The following POLQ variants were observed in gnomAD, a reference collection of about 807,000 sequenced individuals.
POLQ encodes epididymis secretory sperm binding protein.
POLQ carries 233 observed loss-of-function variants against 259.2 expected under a neutral mutation model. The observed-to-expected ratio is 0.90, with a 90% CI of 0.81 to 1.00. The LOEUF (loss-of-function observed/expected upper bound fraction) is 1.00. Among genes scored for constraint, POLQ ranks in the 50% least tolerant of loss-of-function variants. POLQ has a pLI of 0.00. For synonymous variants in POLQ, 1,025 were observed against 1,048.8 expected (o/e 0.98, Z 0.44); for missense variants, 2,871 against 3,051.6 (o/e 0.94, Z 1.39).
intron 18 of POLQ, among the ~76,000 whole-genome samples, chr3:121,482,963 A>G (rs993389345): frequency 2.0e-5 from 3 of 152,190 alleles, no homozygotes; most frequent in Admixed American, 1.3e-4. Context: ...TCTATGCTAA[A>G]TGGCCACTAA....
chr3:121,503,685 G>A lies in POLQ; in HGVS notation c.1960-5015C>T, dbSNP rs1312266518. Reference sequence around the variant, plus strand: ...GATAACAAAATCCATGGATGCTCAAGTCTCTGATATAAAATGATAGTGTCT... The same window carrying A: ...GATAACAAAATCCATGGATGCTCAAATCTCTGATATAAAATGATAGTGTCT... On this transcript the variant is annotated intron_variant, in intron 12 of 29. Transcript: ENST00000264233. Among the ~76,000 whole-genome samples, 6 of 152,132 alleles carry A rather than the reference G, an allele frequency of 3.9e-5. No individual in the cohort carries two copies. In the East Asian group the frequency reaches 5.8e-4, roughly 15 times the overall value.
Position 121,545,783 on chromosome 3 carries a change from T to C in POLQ, c.95A>G (p.Gln32Arg). The C allele has an allele frequency of 6.2e-7, 1 of 1,610,366 alleles. No individual in the cohort carries two copies. Among genetic ancestry groups the C allele is most frequent in the Non-Finnish European group, 8.5e-7 (1 of 1,178,590 alleles). ...GSGGDSSASPQFLSGSVLSPP... is the reference protein window; with the variant it reads ...GSGGDSSASPRFLSGSVLSPP... ...GCTCAGCACGGACCCGGAGAGGAAC[T>C]GGGGGCTGGCACTGCTGTCACCGCC... Residue 32 changes from glutamine (Q) to arginine (R), a missense_variant, in exon 1 of 30, where the codon CAG becomes CGG. Transcript: ENST00000264233.
chr3:121,501,494 C>T (rs1400534557), intron 12 of POLQ, among the ~76,000 whole-genome samples: 1 of 149,234 alleles, frequency 6.7e-6, no homozygotes, highest in Non-Finnish European at 1.5e-5. Context: ...CCCGTCTCTA[C>T]TAAAAATACA....
chr3:121,456,921 G>A (rs564293310), intron 25 of POLQ, among the ~76,000 whole-genome samples: 1,663 of 152,050 alleles, frequency 0.011, 76 homozygotes, highest in Admixed American at 0.076. Flanking sequence ...AGCCTGCATC[G>A]CCAAGTCAAT....
intron 9 of POLQ, among the ~76,000 whole-genome samples, chr3:121,519,503 G>A (rs1379805148): frequency 2.0e-5 from 3 of 149,300 alleles, no homozygotes; most frequent in African/African-American, 4.9e-5. Flanking sequence ...GTGAGACCCC[G>A]TCTCTACTAA....
intron 26 of POLQ, among the ~76,000 whole-genome samples, chr3:121,443,194 G>A (rs989870131): frequency 6.6e-6 from 1 of 152,144 alleles, no homozygotes; most frequent in Non-Finnish European, 1.5e-5. Context: ...GTTCTCCACA[G>A]TAGTTGTACT....
intron 26 of POLQ, among the ~76,000 whole-genome samples, chr3:121,446,090 C>G (rs1199950178): frequency 6.6e-6 from 1 of 151,648 alleles, no homozygotes; most frequent in Non-Finnish European, 1.5e-5. Flanking sequence ...TATAAACTTC[C>G]TTCTTAGCAC....
At chr3:121,537,039 T>G (rs1215100055) in intron 5 of POLQ, 61 bp downstream of exon 5, 4 of 846,200 alleles carry the variant, frequency 4.7e-6, no homozygotes, top group Non-Finnish European at 8.2e-6. Context: ...CTTATGCATT[T>G]TTCAGACACT....
chr3:121,493,467 T>C lies in POLQ; in HGVS notation c.2522+11A>G. 6.2e-7 allele frequency: 1 copy of C among 1,603,954 alleles called. No homozygotes were observed. Among genetic ancestry groups the C allele is most frequent in the Non-Finnish European group, 8.5e-7 (1 of 1,172,484 alleles). On this transcript the variant is annotated intron_variant, in intron 15 of 29. Transcript: ENST00000264233. ...TTTCATAAGCCCATGTAGGTAAAGG[T>C]ATTTTCTTACCTTTTGAAAGGCACA...
intron 19 of POLQ, 130 bp downstream of exon 19, chr3:121,481,442 C>T (rs748174192): frequency 2.5e-6 from 2 of 807,558 alleles, no homozygotes; most frequent in Non-Finnish European, 3.8e-6. Flanking sequence ...TGGCCTTTTA[C>T]AGAAAAAAAG....
At chr3:121,532,397 G>A (rs1303361183) in intron 6 of POLQ, among the ~76,000 whole-genome samples, 1 of 151,990 alleles carries the variant, frequency 6.6e-6, no homozygotes, top group Non-Finnish European at 1.5e-5. Flanking sequence ...AAAAGAAAAC[G>A]CTACAAGATC....
At chr3:121,509,760 CA>C (rs2048237993) in intron 11 of POLQ, 57 bp from the exon 12 acceptor site, 4 of 1,509,518 alleles carry the variant, frequency 2.6e-6, no homozygotes, top group Non-Finnish European at 3.6e-6. Flanking sequence ...TAAAATAAAA[CA>C]AAATACTATC....
intron 6 of POLQ, among the ~76,000 whole-genome samples, 184 bp from the exon 7 acceptor site, chr3:121,529,976 A>G (rs1193901785): frequency 6.6e-6 from 1 of 152,234 alleles, no homozygotes; most frequent in Non-Finnish European, 1.5e-5. Flanking sequence ...TAATGATGAA[A>G]GGTGAAAGAA....
intron 24 of POLQ, among the ~76,000 whole-genome samples, chr3:121,463,383 C>T (rs1449786450): frequency 2.6e-5 from 4 of 152,196 alleles, no homozygotes; most frequent in African/African-American, 7.2e-5. Flanking sequence ...GTCCATCAAA[C>T]CTCCTTCCTT....
Position 121,483,586 on chromosome 3 carries a change from T to TAAAAAA in POLQ, c.5774-10_5774-5dup. ...GGAACCAAACTGGCACTAATTTCTT[T>TAAAAAA]AAAAAAAAAAAAAAAAAGGAAAAAA... On this transcript the variant is annotated splice_region_variant and splice_polypyrimidine_tract_variant and intron_variant, in intron 17 of 29. Coordinates refer to ENST00000264233, the MANE Select transcript of POLQ (RefSeq NM_199420.4). 1 of 1,277,412 alleles carries TAAAAAA rather than the reference T, an allele frequency of 7.8e-7. No homozygotes were observed. The highest frequency in any genetic ancestry group is 1.0e-6 in the Non-Finnish European group (1 of 969,096). The allele number at this position is 1,277,412 out of a possible 1,614,324, so 79.1% of individuals were successfully genotyped here.
chr3:121,515,031 T>A (rs531771553), intron 9 of POLQ, among the ~76,000 whole-genome samples: 14 of 152,196 alleles, frequency 9.2e-5, no homozygotes, highest in South Asian at 2.1e-4. Flanking sequence ...AGGTGGAAGA[T>A]GCCTATCATA....
intron 7 of POLQ, among the ~76,000 whole-genome samples, chr3:121,523,332 T>C (rs1437456820): frequency 6.6e-6 from 1 of 152,236 alleles, no homozygotes; most frequent in Non-Finnish European, 1.5e-5. Flanking sequence ...CTTTCTTATA[T>C]GCAGTAAAAG....
At chr3:121,482,238 G>A (rs968469256) in intron 18 of POLQ, among the ~76,000 whole-genome samples, 7 of 152,236 alleles carry the variant, frequency 4.6e-5, no homozygotes, top group Admixed American at 1.3e-4. Context: ...GAAGTGAGGC[G>A]CCGGGCGCAG....
chr3:121,514,016 C>G (rs2048276006), intron 9 of POLQ, among the ~76,000 whole-genome samples: 1 of 124,228 alleles, frequency 8.0e-6, no homozygotes, highest in African/African-American at 3.1e-5. Context: ...GAGTGAAACT[C>G]CATCTCAAAA....
Sources: allele counts gnomAD v4.1 joint callset (sites outside exome capture counted in the v4.1 genomes callset), GRCh38; gene constraint gnomAD v4.1.1; transcripts MANE v1.5; gene names NCBI Gene and HGNC (gene_info 2026-07-23, HGNC 2026-07-21).